ARL15: variants seen among roughly 807,000 people sequenced by gnomAD.
The protein encoded by ARL15 is ARF like GTPase 15, also known as ADP-ribosylation factor-like protein 15.
In ARL15, 19 loss-of-function variants were observed where a neutral mutation model predicts 25.2. That is an observed-to-expected ratio of 0.75 (90% CI 0.53 to 1.10). The LOEUF (loss-of-function observed/expected upper bound fraction) is 1.10. Among genes scored for constraint, ARL15 ranks in the 50% least tolerant of loss-of-function variants. The probability of loss-of-function intolerance (pLI) is 0.00; values close to 1 mark genes in which losing one functional copy is unlikely to be tolerated. For synonymous variants in ARL15, 94 were observed against 86.8 expected (o/e 1.08, Z -0.46); for missense variants, 220 against 246.0 (o/e 0.89, Z 0.71).
At chr5:54,265,298 G>C (rs1292117345) in intron 1 of ARL15, among the ~76,000 whole-genome samples, 1 of 152,164 alleles carries the variant, frequency 6.6e-6, no homozygotes, top group African/African-American at 2.4e-5. Flanking sequence ...CCTTCTGTAT[G>C]ACATTTTAAC....
At chr5:54,241,559 A>T (rs888729493) in intron 1 of ARL15, among the ~76,000 whole-genome samples, 4 of 152,224 alleles carry the variant, frequency 2.6e-5, no homozygotes, top group Non-Finnish European at 5.9e-5. Flanking sequence ...AAGGTAAAAT[A>T]ATAGTGTTTA....
intron 4 of ARL15, among the ~76,000 whole-genome samples, chr5:54,026,636 G>A (rs184482936): frequency 3.3e-5 from 5 of 152,290 alleles, no homozygotes; most frequent in Admixed American, 1.3e-4. Flanking sequence ...TCTTGAGATT[G>A]TAAGGAGTAA....
chr5:54,192,259 A>G (rs186070906), intron 1 of ARL15, among the ~76,000 whole-genome samples: 1 of 142,676 alleles, frequency 7.0e-6, no homozygotes, highest in Non-Finnish European at 1.5e-5. Context: ...AACTTAAAGT[A>G]TAAGTAAAAA....
At chr5:54,095,535 A>G (rs1752259833) in intron 4 of ARL15, among the ~76,000 whole-genome samples, 1 of 152,184 alleles carries the variant, frequency 6.6e-6, no homozygotes, top group African/African-American at 2.4e-5. Context: ...CTTAGGGAGG[A>G]AGCTGGATGT....
At chr5:54,264,958 G>A (rs899830414) in intron 1 of ARL15, among the ~76,000 whole-genome samples, 2 of 152,100 alleles carry the variant, frequency 1.3e-5, no homozygotes, top group Non-Finnish European at 2.9e-5. Context: ...AACTCTACAA[G>A]GGGAGAGATT....
At chr5:54,277,234 C>T (rs1436205206) in intron 1 of ARL15, among the ~76,000 whole-genome samples, 2 of 151,714 alleles carry the variant, frequency 1.3e-5, no homozygotes, top group South Asian at 2.1e-4. Context: ...TGCCTTTTTA[C>T]TGTAATCACA....
chr5:54,017,086 C>T (rs948558358), intron 4 of ARL15, among the ~76,000 whole-genome samples: 1 of 152,148 alleles, frequency 6.6e-6, no homozygotes, highest in Admixed American at 6.5e-5. Flanking sequence ...TCGCCTCTGC[C>T]CTGTGTTGCA....
intron 1 of ARL15, among the ~76,000 whole-genome samples, chr5:54,197,727 G>A (rs891746862): frequency 6.6e-6 from 1 of 152,104 alleles, no homozygotes; most frequent in South Asian, 2.1e-4. Flanking sequence ...ACAAGGAGGA[G>A]CTGGTACCAT....
At chr5:54,012,075 C>T (rs778866201) in intron 4 of ARL15, among the ~76,000 whole-genome samples, 2 of 152,004 alleles carry the variant, frequency 1.3e-5, no homozygotes, top group Non-Finnish European at 2.9e-5. Context: ...GCATTTCTAG[C>T]GATACCTAAC....
rs1224192841 is a variant in ARL15, at chr5:54,151,657, A to T, written c.253+2923T>A. On this transcript the variant is annotated intron_variant, in intron 3 of 4. Coordinates refer to ENST00000504924, the MANE Select transcript of ARL15 (RefSeq NM_019087.3). ...GAGGAAATAATAATTTTTATAAGTA[A>T]TATATATTCAACACATATATATTCA... 2.6e-5 allele frequency among the ~76,000 whole-genome samples: 4 copies of T among 152,076 alleles called. No individual in the cohort carries two copies. The East Asian group carries it at 7.7e-4, about 29-fold the overall frequency.
intron 1 of ARL15, among the ~76,000 whole-genome samples, chr5:54,187,870 T>C (rs1755283040): frequency 6.6e-6 from 1 of 152,206 alleles, no homozygotes; most frequent in African/African-American, 2.4e-5. Context: ...AAGCCATGTG[T>C]AGCACCTAGC....
chr5:53,986,603 A>C (rs1437354042), intron 4 of ARL15, among the ~76,000 whole-genome samples: 1 of 152,240 alleles, frequency 6.6e-6, no homozygotes, highest in Non-Finnish European at 1.5e-5. Flanking sequence ...TTTGGCAAAC[A>C]CTGAAGAATC....
chr5:54,101,026 T>A (rs1227565631), intron 4 of ARL15, among the ~76,000 whole-genome samples: 1 of 152,038 alleles, frequency 6.6e-6, no homozygotes, highest in Non-Finnish European at 1.5e-5. Context: ...ATGATAGAAA[T>A]ACATTTTCTA....
chr5:53,888,956 A>G (rs1216914144), intron 4 of ARL15, among the ~76,000 whole-genome samples: 1 of 152,164 alleles, frequency 6.6e-6, no homozygotes, highest in Non-Finnish European at 1.5e-5. Context: ...TTACAATGCA[A>G]TCTAGTATTT....
At chr5:53,961,933 T>G in intron 4 of ARL15, among the ~76,000 whole-genome samples, 1 of 152,324 alleles carries the variant, frequency 6.6e-6, no homozygotes, top group Non-Finnish European at 1.5e-5. Flanking sequence ...AGGGAGCATA[T>G]GGAGTTCTAT....
intron 1 of ARL15, among the ~76,000 whole-genome samples, chr5:54,208,356 G>C (rs1042723768): frequency 3.3e-5 from 5 of 151,966 alleles, no homozygotes; most frequent in African/African-American, 4.8e-5. Flanking sequence ...GGGGTATGCA[G>C]AACTATACAA....
At chr5:54,293,828 CT>C (rs10560291) in intron 1 of ARL15, among the ~76,000 whole-genome samples, 49 of 148,138 alleles carry the variant, frequency 3.3e-4, no homozygotes, top group Admixed American at 1.2e-3. Flanking sequence ...TCATATCATC[CT>C]TTTTTTTTTT....
At chr5:54,193,740 T>TTTTG (rs70986665) in intron 1 of ARL15, among the ~76,000 whole-genome samples, 9,426 of 145,466 alleles carry the variant, frequency 0.065, 403 homozygotes, top group Admixed American at 0.13. Flanking sequence ...TTTTTTTTTT[T>TTTTG]CCAGAACTGT....
At chr5:54,046,010 T>C (rs925231085) in intron 4 of ARL15, among the ~76,000 whole-genome samples, 1 of 152,238 alleles carries the variant, frequency 6.6e-6, no homozygotes, top group East Asian at 1.9e-4. Context: ...ATAAAAAGAA[T>C]AGTTCAAAAT....
Sources: allele counts gnomAD v4.1 joint callset (sites outside exome capture counted in the v4.1 genomes callset), GRCh38; gene constraint gnomAD v4.1.1; transcripts MANE v1.5; gene names NCBI Gene and HGNC (gene_info 2026-07-23, HGNC 2026-07-21).